The following TRERF1 variants were observed in gnomAD, a reference collection of about 807,000 sequenced individuals.
TRERF1 encodes transcriptional-regulating factor 1.
TRERF1 carries 27 observed loss-of-function variants against 122.9 expected under a neutral mutation model. The ratio of observed to expected loss-of-function variants is 0.22; its 90% confidence interval spans 0.16 to 0.30. The LOEUF (loss-of-function observed/expected upper bound fraction) is 0.30. TRERF1 is among the 10% of genes least tolerant of loss of function. The pLI is 1.00. For synonymous variants in TRERF1, 636 were observed against 641.7 expected (o/e 0.99, Z 0.13); for missense variants, 1,248 against 1,560.3 (o/e 0.80, Z 3.37).
intron 3 of TRERF1, among the ~76,000 whole-genome samples, chr6:42,313,126 A>C (rs1181657724): frequency 6.6e-6 from 1 of 152,154 alleles, no homozygotes; most frequent in Admixed American, 6.5e-5. Flanking sequence ...GCCTTCAATA[A>C]GGCTTTCCTT....
intron 2 of TRERF1, among the ~76,000 whole-genome samples, chr6:42,426,596 GTCTC>G (rs1783663245): frequency 6.6e-6 from 1 of 152,212 alleles, no homozygotes; most frequent in African/African-American, 2.4e-5. Flanking sequence ...GTTCGTAGCT[GTCTC>G]TCTAACAAAG....
At chr6:42,258,047 C>CA in intron 10 of TRERF1, 88 bp downstream of exon 10, 2 of 1,110,924 alleles carry the variant, frequency 1.8e-6, no homozygotes, top group Non-Finnish European at 1.3e-6. Context: ...ACTGCTCTCT[C>CA]AGTGTAATCC....
chr6:42,296,293 AG>A lies in TRERF1; in HGVS notation c.-259+4344del, dbSNP rs554863666. 2.8e-3 allele frequency among the ~76,000 whole-genome samples: 424 copies of A among 152,298 alleles called. 2 individuals carry two copies. The highest frequency in any genetic ancestry group is 9.8e-3 in the African/African-American group (407 of 41,544). On this transcript the variant is annotated intron_variant, in intron 4 of 17. Transcript: ENST00000372922. ...CCCCAGTTCAAAGAACATCATAAAG[AG>A]GCTGGGATTCCCACATTTACATTAG...
At chr6:42,243,734 C>G (rs1007984948) in intron 14 of TRERF1, among the ~76,000 whole-genome samples, 13 of 152,100 alleles carry the variant, frequency 8.5e-5, no homozygotes, top group African/African-American at 3.1e-4. Flanking sequence ...GCATCCGCCA[C>G]CATGCCCGGC....
At chr6:42,360,930 G>A (rs1349392211) in intron 3 of TRERF1, among the ~76,000 whole-genome samples, 1 of 152,050 alleles carries the variant, frequency 6.6e-6, no homozygotes, top group Non-Finnish European at 1.5e-5. Context: ...CCTGAGTTAG[G>A]TTTTCTGGTA....
At chr6:42,262,569 GA>G (rs1778340227) in intron 8 of TRERF1, among the ~76,000 whole-genome samples, 1 of 140,808 alleles carries the variant, frequency 7.1e-6, no homozygotes, top group Non-Finnish European at 1.5e-5. Flanking sequence ...GAGAGAGAGA[GA>G]GAGAGAGAGA....
At chr6:42,299,173 GA>G (rs1172330693) in intron 4 of TRERF1, among the ~76,000 whole-genome samples, 3 of 148,334 alleles carry the variant, frequency 2.0e-5, no homozygotes, top group Admixed American at 6.7e-5. Context: ...GATAACCCCT[GA>G]AAAAACACAC....
At chr6:42,273,959 A>G (rs1780712662) in intron 4 of TRERF1, among the ~76,000 whole-genome samples, 2 of 152,226 alleles carry the variant, frequency 1.3e-5, no homozygotes, top group South Asian at 4.1e-4. Flanking sequence ...AGTCTTCCCA[A>G]ACTGCTAGGG....
In TRERF1 at chr6:42,259,305, C is replaced by T; in HGVS notation, c.2269+34G>A. 1 of 1,484,494 alleles carries T rather than the reference C, an allele frequency of 6.7e-7. No homozygotes were observed. The highest frequency in any genetic ancestry group is 8.9e-7 in the Non-Finnish European group (1 of 1,126,364). 92.0% of individuals were successfully genotyped at this position (1,484,494 alleles called of 1,614,324 possible). A position where few individuals can be genotyped will look rare whatever the true frequency, so the allele number is the denominator to read the frequency against. ...ATGTCCCAGGACTTTACCCAGCACCCAGAGCCCAGGAGGACGCTAAAGGGG... is the reference window on the plus strand; with the variant it reads ...ATGTCCCAGGACTTTACCCAGCACCTAGAGCCCAGGAGGACGCTAAAGGGG... On this transcript the variant is annotated intron_variant, in intron 9 of 17. Coordinates refer to ENST00000372922, the Ensembl canonical transcript of TRERF1. This position sits in a 1 kb window ranked among gnomAD's most constrained non-coding sequence, Gnocchi z 4.9.
rs746223873 is a variant in TRERF1 at position 42,268,905 on chromosome 6, T to C, written c.686A>G (p.Gln229Arg). 6.2e-7 allele frequency: 1 copy of C among 1,613,302 alleles called. No homozygotes were observed. The highest frequency in any genetic ancestry group is 2.2e-5 in the East Asian group (1 of 44,850). ...CTGGTAGTCATAATACAGGTGCCCTTGGGTAGGGTGCTGCCCGACCTGAAG... is the reference window on the plus strand; with the variant it reads ...CTGGTAGTCATAATACAGGTGCCCTCGGGTAGGGTGCTGCCCGACCTGAAG... The change falls in exon 5 of 18, where the codon CAA becomes CGA. Residue 229 changes from glutamine to arginine, a missense_variant. By Grantham distance (43) the Gln-to-Arg change is conservative (BLOSUM62 1). Transcript: ENST00000372922. This position sits in a 1 kb window ranked among gnomAD's most constrained non-coding sequence, Gnocchi z 4.4.
intron 2 of TRERF1, among the ~76,000 whole-genome samples, chr6:42,364,651 C>T (rs1178725322): frequency 1.3e-5 from 2 of 152,212 alleles, no homozygotes; most frequent in African/African-American, 2.4e-5. Flanking sequence ...ACATGGAAGC[C>T]GTGGGTGACC....
rs187542684 is a variant in TRERF1 at position 42,415,093 on chromosome 6, T to C, written c.-454+36084A>G. Among the ~76,000 whole-genome samples, 583 of 152,354 alleles carry C rather than the reference T, an allele frequency of 3.8e-3. 5 individuals are homozygous for C. The highest frequency in any genetic ancestry group is 0.013 in the African/African-American group (558 of 41,580). ...TTAAATATTTTGATCTCTTCCAATC[T>C]GATAGGTTACAAATGCCTTCTTATT... On this transcript the variant is annotated intron_variant, in intron 2 of 17. Coordinates refer to ENST00000372922, the Ensembl canonical transcript of TRERF1.
At chr6:42,368,885 A>G (rs1337118017) in intron 2 of TRERF1, among the ~76,000 whole-genome samples, 1 of 152,164 alleles carries the variant, frequency 6.6e-6, no homozygotes, top group East Asian at 1.9e-4. Context: ...ATTTGTGCAC[A>G]GTATCTGAAA....
intron 2 of TRERF1, among the ~76,000 whole-genome samples, chr6:42,430,307 T>C (rs1227930474): frequency 6.6e-6 from 1 of 152,106 alleles, no homozygotes. Context: ...GGTGATGAGT[T>C]ATAAACTCAA....
intron 15 of TRERF1, among the ~76,000 whole-genome samples, chr6:42,237,738 G>C (rs1441070033): frequency 6.6e-6 from 1 of 152,164 alleles, no homozygotes; most frequent in Non-Finnish European, 1.5e-5. Context: ...GATACCCTAG[G>C]ACCCAGAAAA....
chr6:42,263,629 C>T lies in TRERF1; in HGVS notation c.1636-61G>A. 3 of 1,412,142 alleles carry T rather than the reference C, an allele frequency of 2.1e-6. No homozygotes were observed. The highest frequency in any genetic ancestry group is 2.8e-6 in the Non-Finnish European group (3 of 1,077,086). The allele number at this position is 1,412,142 out of a possible 1,614,324, so 87.5% of individuals were successfully genotyped here. Reference sequence around the variant, plus strand: ...GAGCAGCTCTCACAAGGGGGATGCACTTTGCTTTTCCCGAAAGGTTCCAGG... The same window carrying T: ...GAGCAGCTCTCACAAGGGGGATGCATTTTGCTTTTCCCGAAAGGTTCCAGG... On this transcript the variant is annotated intron_variant, in intron 7 of 17. Coordinates refer to ENST00000372922, the Ensembl canonical transcript of TRERF1. This position sits in a 1 kb window ranked among gnomAD's most constrained non-coding sequence, Gnocchi z 5.6.
Position 42,232,640 on chromosome 6 carries a change from C to A in TRERF1, c.3278+41G>T, listed in dbSNP as rs778688421. The stretch of plus-strand genomic sequence containing the variant: ...GCCCAGCTCCCATAGAGCGACTACC[C>A]ATCATGAACTCAGATTCAGTCCCCG... On this transcript the variant is annotated intron_variant, in intron 17 of 17. Transcript: ENST00000372922. The surrounding 1 kb of genome is among the most constrained non-coding windows in gnomAD (Gnocchi z 4.5). 12 of 1,536,028 alleles carry A rather than the reference C, an allele frequency of 7.8e-6. No individual in the cohort carries two copies. Among genetic ancestry groups the A allele is most frequent in the Non-Finnish European group, 9.7e-6 (11 of 1,135,274 alleles).
chr6:42,391,333 T>C lies in TRERF1; in HGVS notation c.-453-28254A>G, dbSNP rs1016035653. On this transcript the variant is annotated intron_variant, in intron 2 of 17. Transcript: ENST00000372922. ...CCAGAAGATGTTTTGGGGGTTAGAG[T>C]AGCCTGTCCTCATAATCTACTCTGG... Among the ~76,000 whole-genome samples, 6 of 152,252 alleles carry C rather than the reference T, an allele frequency of 3.9e-5. No individual in the cohort carries two copies. The East Asian group carries it at 7.7e-4, about 20-fold the overall frequency.
intron 2 of TRERF1, among the ~76,000 whole-genome samples, chr6:42,443,540 G>T (rs907041999): frequency 2.8e-4 from 42 of 152,204 alleles, no homozygotes; most frequent in African/African-American, 9.4e-4. Context: ...CCTCAGTCGG[G>T]TTTCTTGGGG....
Sources: allele counts gnomAD v4.1 joint callset (sites outside exome capture counted in the v4.1 genomes callset), GRCh38; gene constraint gnomAD v4.1.1; non-coding constraint Gnocchi (gnomAD v3.1); transcripts MANE v1.5; gene names NCBI Gene and HGNC (gene_info 2026-07-23, HGNC 2026-07-21).